Variants in KLRG1 observed in about 807,000 individuals in gnomAD.
KLRG1 encodes the protein killer cell lectin-like receptor subfamily G member 1.
KLRG1 carries 16 observed loss-of-function variants against 21.8 expected under a neutral mutation model. The ratio of observed to expected loss-of-function variants is 0.73; its 90% confidence interval spans 0.50 to 1.11. The LOEUF (loss-of-function observed/expected upper bound fraction) is 1.11, where lower values mean the gene tolerates loss of function less well. Among genes scored for constraint, KLRG1 ranks in the 50% most tolerant of loss-of-function variants. The probability of loss-of-function intolerance (pLI) is 0.00; values close to 1 mark genes in which losing one functional copy is unlikely to be tolerated. For synonymous variants in KLRG1, 69 were observed against 75.9 expected (o/e 0.91, Z 0.47); for missense variants, 173 against 218.3 (o/e 0.79, Z 1.31).
At chr12:9,064,497 A>T in the KLRG1 span, 1 of 154,880 alleles carries the variant, frequency 6.5e-6, no homozygotes, top group East Asian at 1.9e-4. This position sits in a 1 kb window ranked among gnomAD's most constrained non-coding sequence, Gnocchi z 4.0. Context: ...CTCCCCGGCC[A>T]GGAGCCTCCA....
chr12:9,107,706 A>C, the KLRG1 span: 4 of 1,586,642 alleles, frequency 2.5e-6, no homozygotes, highest in Admixed American at 1.7e-5. Context: ...TTTTCTAGCT[A>C]TTTATATCTC....
Position 8,995,429 on chromosome 12 carries a change from C to G in KLRG1, c.357+141C>G, listed in dbSNP as rs994915272. 1.0e-5 allele frequency: 7 copies of G among 703,178 alleles called. No homozygotes were observed. In the African/African-American group the frequency reaches 1.3e-4, roughly 13 times the overall value. The allele number at this position is 703,178 out of a possible 1,614,324, so 43.6% of individuals were successfully genotyped here. On this transcript the variant is annotated intron_variant, in intron 3 of 4. Transcript: ENST00000356986. ...TTGGGGGGGATACTATATTCTTCCC[C>G]TTCCCTCTTCTTCTCTTTCCTCTTC...
chr12:8,978,013 C>T (rs1416412600), intron 1 of KLRG1, among the ~76,000 whole-genome samples: 1 of 152,142 alleles, frequency 6.6e-6, no homozygotes, highest in Admixed American at 6.5e-5. Flanking sequence ...TGTGCACCAC[C>T]ATGCCTGGCT....
chr12:9,112,077 C>A, the KLRG1 span: 2 of 1,326,218 alleles, frequency 1.5e-6, no homozygotes, highest in South Asian at 2.4e-5. Context: ...TCTTCCTCTC[C>A]CTGGTCTTCC....
At chr12:9,079,150 C>G in the KLRG1 span, 1 of 950,802 alleles carries the variant, frequency 1.1e-6, no homozygotes, top group Non-Finnish European at 1.6e-6. Context: ...TCTGATAATA[C>G]ATATCTGATA....
the KLRG1 span, among the ~76,000 whole-genome samples, chr12:9,212,954 A>G: frequency 2.6e-5 from 4 of 152,288 alleles, no homozygotes; most frequent in South Asian, 2.1e-4. Context: ...GTCACTTCCT[A>G]TTTTCAACAA....
the KLRG1 span, among the ~76,000 whole-genome samples, chr12:9,154,353 T>C: frequency 1.3e-5 from 2 of 152,182 alleles, no homozygotes; most frequent in African/African-American, 2.4e-5. Context: ...CTAGAATGTG[T>C]CCAATGACCA....
the KLRG1 span, chr12:9,150,759 G>C: frequency 6.4e-7 from 1 of 1,564,150 alleles, no homozygotes; most frequent in South Asian, 1.1e-5. Context: ...GAAAGGAAAA[G>C]TGGGAGTAAT....
chr12:9,158,129 G>GT, the KLRG1 span, among the ~76,000 whole-genome samples: 1 of 152,062 alleles, frequency 6.6e-6, no homozygotes, highest in South Asian at 2.1e-4. Flanking sequence ...TTTGTAAAAT[G>GT]TTTTTTGTAG....
At chr12:9,089,292 C>T in the KLRG1 span, 9 of 1,400,588 alleles carry the variant, frequency 6.4e-6, no homozygotes, top group Non-Finnish European at 9.0e-6. Context: ...AATGGACTGA[C>T]CTTCAGAACA....
the KLRG1 span, among the ~76,000 whole-genome samples, chr12:9,094,455 T>G: frequency 6.6e-6 from 1 of 150,446 alleles, no homozygotes; most frequent in Non-Finnish European, 1.5e-5. Context: ...AAATATGCGG[T>G]AGGCTTCATA....
chr12:9,052,508 C>T, the KLRG1 span, among the ~76,000 whole-genome samples: 1 of 152,204 alleles, frequency 6.6e-6, no homozygotes, highest in Admixed American at 6.5e-5. Context: ...GATGCCTTTC[C>T]TGTTTTCTTT....
chr12:8,952,616 G>A (rs1002705232), intron 1 of KLRG1, among the ~76,000 whole-genome samples: 10 of 152,102 alleles, frequency 6.6e-5, no homozygotes, highest in African/African-American at 2.4e-4. Context: ...AAGAACTCTG[G>A]TACACATTTT....
At chr12:8,997,210 C>T (rs751302625) in intron 3 of KLRG1, among the ~76,000 whole-genome samples, 1 of 152,144 alleles carries the variant, frequency 6.6e-6, no homozygotes. Context: ...TCTCCTAAGG[C>T]TCCTTGGGGC....
rs1357557036 is a variant in KLRG1, at chr12:8,967,446, G to T, written c.-156+17210G>T. 2.0e-5 allele frequency among the ~76,000 whole-genome samples: 3 copies of T among 152,206 alleles called. No homozygotes were observed. In the East Asian group the frequency reaches 5.8e-4, roughly 29 times the overall value. On this transcript the variant is annotated intron_variant, in intron 1 of 4. Coordinates refer to the KLRG1 transcript ENST00000539240. ...TCTAAAAAATTAATAACCAGGCTGGGCCAGGTGGCTGACACCTGTAATCCC... is the reference window on the plus strand; with the variant it reads ...TCTAAAAAATTAATAACCAGGCTGGTCCAGGTGGCTGACACCTGTAATCCC...
chr12:9,093,699 AAGG>A, the KLRG1 span: 30 of 580,120 alleles, frequency 5.2e-5, no homozygotes, highest in African/African-American at 5.3e-4. Context: ...AATAGAGAGG[AAGG>A]AGGAGAGGGC....
At chr12:9,072,540 C>T in the KLRG1 span, 8 of 1,601,832 alleles carry the variant, frequency 5.0e-6, no homozygotes, top group Non-Finnish European at 6.8e-6. Context: ...GAATTCCTGT[C>T]CACGTCCCTA....
the KLRG1 span, chr12:9,090,094 A>T: frequency 6.5e-7 from 1 of 1,550,264 alleles, no homozygotes; most frequent in Non-Finnish European, 8.7e-7. Flanking sequence ...CAAGATTTAG[A>T]AATGTTCAAT....
chr12:8,997,635 C>A (rs1357890119), intron 3 of KLRG1, among the ~76,000 whole-genome samples: 1 of 152,120 alleles, frequency 6.6e-6, no homozygotes. Context: ...GAAAATATCC[C>A]TCTTATGCTG....
Sources: gnomAD v4.1 joint callset for allele counts (sites outside exome capture counted in the v4.1 genomes callset) on GRCh38, gnomAD v4.1.1 for gene constraint, Gnocchi (gnomAD v3.1) non-coding constraint, MANE v1.5 for transcripts, NCBI Gene and HGNC (gene_info 2026-07-23, HGNC 2026-07-21) for gene names.